Variants in GALNS observed in about 807,000 individuals in gnomAD.
GALNS encodes the protein N-acetylgalactosamine-6-sulfatase.
A neutral mutation model predicts 65.9 loss-of-function variants in GALNS; 65 were observed. The observed-to-expected ratio is 0.99, with a 90% CI of 0.81 to 1.21. The LOEUF (loss-of-function observed/expected upper bound fraction) is 1.21, where lower values mean the gene tolerates loss of function less well. GALNS is among the 50% of genes most tolerant of loss of function. GALNS has a pLI of 0.00. For missense variants in GALNS, 776 were observed against 700.7 expected (o/e 1.11, Z -1.21); for synonymous variants, 346 against 288.9 (o/e 1.20, Z -2.00).
chr16:88,822,063 G>A (rs1910282672), intron 12 of GALNS, among the ~76,000 whole-genome samples: 2 of 152,170 alleles, frequency 1.3e-5, no homozygotes, highest in African/African-American at 4.8e-5. Context: ...CTAAGGAGCT[G>A]CCAGCAGGTG....
intron 1 of GALNS, chr16:88,843,254 A>G: frequency 7.9e-7 from 1 of 1,269,314 alleles, no homozygotes; most frequent in East Asian, 5.6e-5. Context: ...TCTAGATTTC[A>G]AAGTCAACTG....
intron 11 of GALNS, among the ~76,000 whole-genome samples, chr16:88,824,224 A>G (rs77967878): frequency 0.054 from 8,225 of 152,088 alleles, 257 homozygotes; most frequent in South Asian, 0.093. Context: ...AGGGGCCAGA[A>G]AAGACCGTGG....
In GALNS at chr16:88,842,770, G is replaced by A. The variant is rs1967036358; in HGVS notation, c.180C>T (p.Asp60=). The A allele has an allele frequency of 6.2e-7, 1 of 1,613,080 alleles. No homozygotes were observed. Among genetic ancestry groups the A allele is most frequent in the Admixed American group, 1.7e-5 (1 of 59,914 alleles). The change falls in exon 2 of 14, where the codon GAC becomes GAT. Residue 60 remains aspartate (D), a synonymous_variant. Coordinates refer to ENST00000268695, the MANE Select transcript of GALNS (RefSeq NM_000512.5). The part of the protein sequence containing the change: ...GEPSRETPNL[D]RMAAEGLLFP... Reference sequence around the variant, plus strand: ...AAAGCAGCCCTTCTGCAGCCATCCGGTCCAAATTCGGGGTCTCTCTGGAGG... The same window carrying A: ...AAAGCAGCCCTTCTGCAGCCATCCGATCCAAATTCGGGGTCTCTCTGGAGG...
Position 88,856,351 on chromosome 16 carries a change from C to T in GALNS, c.120+407G>A, listed in dbSNP as rs1392455566. 70 of 702,074 alleles carry T rather than the reference C, an allele frequency of 1.0e-4. No individual in the cohort carries two copies. In the Admixed American group the frequency reaches 1.4e-3, roughly 14 times the overall value. The allele number at this position is 702,074 out of a possible 1,614,324, so 43.5% of individuals were successfully genotyped here. On this transcript the variant is annotated intron_variant, in intron 1 of 13. Transcript: ENST00000268695. The stretch of plus-strand genomic sequence containing the variant: ...GGGCGGCAGGAGCAGCCTCTTCCTC[C>T]CTTTGGGGAGGCCACGCTGCGCGCC...
At chr16:88,844,242 T>A (rs1967130290) in intron 1 of GALNS, 1 of 152,108 alleles carries the variant, frequency 6.6e-6, no homozygotes, top group Admixed American at 6.6e-5. Context: ...TGATGCCAGG[T>A]GTGATGGCAC....
intron 1 of GALNS, 30 bp from the exon 2 acceptor site, chr16:88,842,859 G>C: frequency 6.2e-7 from 1 of 1,610,832 alleles, no homozygotes; most frequent in Non-Finnish European, 8.5e-7. Context: ...GAGGAGGAAT[G>C]AGCGCCTTCT....
intron 6 of GALNS, 33 bp downstream of exon 6, chr16:88,836,168 C>T: frequency 6.2e-7 from 1 of 1,604,024 alleles, no homozygotes; most frequent in Non-Finnish European, 8.5e-7. Context: ...CCCCATGCGT[C>T]CCACAGGGCG....
At position 88,817,418 on chromosome 16, in the gene GALNS, CTA is replaced by C. The variant is rs369067289; in HGVS notation, c.1482+587_1482+588del. On this transcript the variant is annotated intron_variant, in intron 13 of 13. Transcript: ENST00000268695. Reference sequence around the variant, plus strand: ...CGGAGGTGCTGCTCTGGGTGGGTGCCTATGAGTGAGATCAGGTCTGATGCGAA... The same window carrying C: ...CGGAGGTGCTGCTCTGGGTGGGTGCCTGAGTGAGATCAGGTCTGATGCGAA... The C allele has an allele frequency of 3.8e-4, 374 of 985,414 alleles. No homozygotes were observed. The African/African-American group carries it at 6.3e-3, about 17-fold the overall frequency. 61.0% of individuals were successfully genotyped at this position (985,414 alleles called of 1,614,324 possible). A position where few individuals can be genotyped will look rare whatever the true frequency, so the allele number is the denominator to read the frequency against.
chr16:88,842,756 TCTGCAGCCATC>T lies in GALNS; in HGVS notation c.183_193del (p.Met62ArgfsTer92). Reference sequence around the variant, plus strand: ...ATAGAAGTTTGGGAAAAGCAGCCCTTCTGCAGCCATCCGGTCCAAATTCGGGGTCTCTCTGG... The same window carrying T: ...ATAGAAGTTTGGGAAAAGCAGCCCTTCGGTCCAAATTCGGGGTCTCTCTGG... On this transcript the variant is annotated frameshift_variant, in exon 2 of 14. Transcript: ENST00000268695. LOFTEE classifies it high-confidence loss of function. 1 of 1,613,066 alleles carries T rather than the reference TCTGCAGCCATC, an allele frequency of 6.2e-7. No homozygotes were observed. Among genetic ancestry groups the T allele is most frequent in the East Asian group, 2.2e-5 (1 of 44,856 alleles).
chr16:88,823,875 T>C (rs1910523411), intron 11 of GALNS, among the ~76,000 whole-genome samples: 3 of 151,842 alleles, frequency 2.0e-5, no homozygotes, highest in Admixed American at 6.6e-5. Context: ...CGGGGACCGA[T>C]GCCCAGGATG....
chr16:88,835,110 C>G lies in GALNS; in HGVS notation c.898+103G>C, dbSNP rs963118749. On this transcript the variant is annotated intron_variant, in intron 8 of 13. Coordinates refer to ENST00000268695, the MANE Select transcript of GALNS (RefSeq NM_000512.5). ...TCCCGCTGGACCCAGAGGGACCCTTCATGCTCTGCCCACCACAGACCCCGT... is the reference window on the plus strand; with the variant it reads ...TCCCGCTGGACCCAGAGGGACCCTTGATGCTCTGCCCACCACAGACCCCGT... 8.9e-6 allele frequency: 13 copies of G among 1,453,116 alleles called. No individual in the cohort carries two copies. In the African/African-American group the frequency reaches 1.8e-4, roughly 20 times the overall value. 90.0% of individuals were successfully genotyped at this position (1,453,116 alleles called of 1,614,324 possible). A position where few individuals can be genotyped will look rare whatever the true frequency, so the allele number is the denominator to read the frequency against.
intron 1 of GALNS, among the ~76,000 whole-genome samples, chr16:88,850,721 G>T (rs1173583043): frequency 6.6e-6 from 1 of 152,228 alleles, no homozygotes; most frequent in Non-Finnish European, 1.5e-5. Context: ...AGCCACACGG[G>T]ACGCTCGGGC....
chr16:88,853,441 C>T (rs758994686), intron 1 of GALNS, among the ~76,000 whole-genome samples: 17 of 152,204 alleles, frequency 1.1e-4, no homozygotes, highest in South Asian at 6.2e-4. Context: ...CTGTTTCAAA[C>T]GAGGGGCACT....
At chr16:88,847,327 C>T (rs1461674940) in intron 1 of GALNS, among the ~76,000 whole-genome samples, 5 of 152,086 alleles carry the variant, frequency 3.3e-5, no homozygotes, top group African/African-American at 7.2e-5. Context: ...GCTGAGATCG[C>T]GCCACGGCAG....
At chr16:88,831,843 G>A (rs1911532315) in intron 9 of GALNS, among the ~76,000 whole-genome samples, 155 bp downstream of exon 9, 1 of 149,480 alleles carries the variant, frequency 6.7e-6, no homozygotes, top group African/African-American at 2.5e-5. Context: ...GCTGAGCATG[G>A]GGTGCGTGGA....
chr16:88,826,574 C>G, intron 10 of GALNS, 128 bp downstream of exon 10: 1 of 1,163,764 alleles, frequency 8.6e-7, no homozygotes, highest in South Asian at 1.5e-5. Flanking sequence ...CCTCCTCCTG[C>G]CCTGGGCACG....
intron 13 of GALNS, chr16:88,816,229 C>T: frequency 2.0e-6 from 2 of 985,350 alleles, no homozygotes. Flanking sequence ...CCTCCCCTGC[C>T]CTGTGCCCAC....
chr16:88,837,313 T>A (rs1912242704), intron 5 of GALNS, among the ~76,000 whole-genome samples: 1 of 152,152 alleles, frequency 6.6e-6, no homozygotes, highest in Non-Finnish European at 1.5e-5. Flanking sequence ...GTAGACCACA[T>A]GGGCAGTACC....
chr16:88,821,049 G>T (rs1910160256), intron 12 of GALNS, among the ~76,000 whole-genome samples: 1 of 152,178 alleles, frequency 6.6e-6, no homozygotes, highest in South Asian at 2.1e-4. Flanking sequence ...GGTTTCACGG[G>T]TCTCACCCCC....
Sources: gnomAD v4.1 joint callset for allele counts (sites outside exome capture counted in the v4.1 genomes callset) on GRCh38, gnomAD v4.1.1 for gene constraint, MANE v1.5 for transcripts, NCBI Gene and HGNC (gene_info 2026-07-23, HGNC 2026-07-21) for gene names.